Variants in SLC39A14 observed in about 807,000 individuals in gnomAD.
SLC39A14 encodes the protein metal cation symporter ZIP14.
In SLC39A14, 19 loss-of-function variants were observed where a neutral mutation model predicts 45.5. The observed-to-expected ratio is 0.42, with a 90% CI of 0.29 to 0.61. The LOEUF (loss-of-function observed/expected upper bound fraction) is 0.61. SLC39A14 is among the 20% of genes least tolerant of loss of function. The pLI is 0.22. For synonymous variants in SLC39A14, 264 were observed against 251.3 expected (o/e 1.05, Z -0.48); for missense variants, 447 against 616.5 (o/e 0.73, Z 2.91).
At chr8:22,408,576 G>C (rs1298725510) in intron 3 of SLC39A14, 80 bp downstream of exon 3, 2 of 1,333,776 alleles carry the variant, frequency 1.5e-6, no homozygotes, top group Non-Finnish European at 2.0e-6. Flanking sequence ...AGCTGCTGCT[G>C]CTCCTCACTG....
intron 1 of SLC39A14, among the ~76,000 whole-genome samples, chr8:22,386,228 A>G (rs1424295707): frequency 2.7e-5 from 4 of 149,674 alleles, no homozygotes; most frequent in African/African-American, 9.9e-5. Flanking sequence ...TACAGGCGTG[A>G]GCCACTGCGC....
At chr8:22,427,329 C>T (rs187277523), downstream of SLC39A14, among the ~76,000 whole-genome samples, 4 of 152,154 alleles carry the variant, frequency 2.6e-5, no homozygotes, top group East Asian at 3.9e-4. Context: ...TGTCTTCCTG[C>T]GTTTGGCTAA....
chr8:22,373,107 C>CA (rs1445122378), intron 1 of SLC39A14, among the ~76,000 whole-genome samples: 1 of 151,766 alleles, frequency 6.6e-6, no homozygotes, highest in African/African-American at 2.4e-5. Context: ...ACTAAAAATA[C>CA]AAAAAATTAG....
In SLC39A14 at chr8:22,398,732, G is replaced by T. The variant is rs893577444; in HGVS notation, c.-15-5964G>T. The stretch of plus-strand genomic sequence containing the variant: ...GTGCAGCATGCTGAACATCACAGAA[G>T]CGTCTGTGCAGGACAGAAGTGCCGC... On this transcript the variant is annotated intron_variant, in intron 1 of 8. Transcript: ENST00000381237. 4 of 985,352 alleles carry T rather than the reference G, an allele frequency of 4.1e-6. No homozygotes were observed. In the African/African-American group the frequency reaches 7.0e-5, roughly 17 times the overall value. The allele number at this position is 985,352 out of a possible 1,614,324, so 61.0% of individuals were successfully genotyped here.
At chr8:22,429,964 G>A (rs532914257) in intron 8 of SLC39A14, among the ~76,000 whole-genome samples, 5 of 152,288 alleles carry the variant, frequency 3.3e-5, no homozygotes, top group Admixed American at 6.5e-5. Flanking sequence ...CCAAAGGGCC[G>A]GCCAACGCAA....
chr8:22,419,002 C>G (rs933330907), intron 8 of SLC39A14, among the ~76,000 whole-genome samples: 1 of 150,680 alleles, frequency 6.6e-6, no homozygotes, highest in Non-Finnish European at 1.5e-5. Context: ...GCACTCGAGC[C>G]TGGGCAAGAG....
rs966132068 is a variant in SLC39A14, at chr8:22,367,984, G to A, written c.-16+576G>A. ...GGTTCAGGCTGCCCCCTCTTGGTGG[G>A]TGAGGGCAGTGGGACAAAGTCGCCA... On this transcript the variant is annotated intron_variant, in intron 1 of 8. Transcript: ENST00000381237. This position sits in a 1 kb window ranked among gnomAD's most constrained non-coding sequence, Gnocchi z 4.2. 6.6e-6 allele frequency among the ~76,000 whole-genome samples: 1 copy of A among 152,164 alleles called. No individual in the cohort carries two copies. The highest frequency in any genetic ancestry group is 1.9e-4 in the East Asian group (1 of 5,196).
chr8:22,374,709 TCTGTCTTGGGGTGCAGCCTGCCAGC>T (rs1458456456), intron 1 of SLC39A14, among the ~76,000 whole-genome samples: 1 of 150,802 alleles, frequency 6.6e-6, no homozygotes, highest in Non-Finnish European at 1.5e-5. Flanking sequence ...CCAGCAGCCC[TCTGTCTTGGGGTGCAGCCTGCCAGC>T]CTGCTCTTTT....
chr8:22,392,287 T>G (rs370813012), intron 1 of SLC39A14, among the ~76,000 whole-genome samples: 1 of 152,242 alleles, frequency 6.6e-6, no homozygotes, highest in Non-Finnish European at 1.5e-5. Flanking sequence ...TTAAGCTCTG[T>G]CTTGATCAGA....
At chr8:22,391,300 A>G (rs892037925) in intron 1 of SLC39A14, among the ~76,000 whole-genome samples, 7 of 152,158 alleles carry the variant, frequency 4.6e-5, no homozygotes, top group East Asian at 3.8e-4. Flanking sequence ...TGCATCCCCA[A>G]TACCTAGCAT....
intron 8 of SLC39A14, among the ~76,000 whole-genome samples, chr8:22,419,135 A>T (rs1836067896): frequency 6.6e-6 from 1 of 152,192 alleles, no homozygotes; most frequent in Non-Finnish European, 1.5e-5. Flanking sequence ...ACTTTGTTTT[A>T]CCTAGACAGT....
intron 1 of SLC39A14, among the ~76,000 whole-genome samples, chr8:22,383,473 G>A (rs554478560): frequency 1.3e-5 from 2 of 152,246 alleles, no homozygotes; most frequent in South Asian, 2.1e-4. Context: ...GGTGGGGTAT[G>A]GGGTGTTTAT....
chr8:22,430,996 T>A (rs1836458074), intron 8 of SLC39A14, among the ~76,000 whole-genome samples: 1 of 71,388 alleles, frequency 1.4e-5, no homozygotes, highest in Non-Finnish European at 3.1e-5. Context: ...TCCCTCTTTT[T>A]TTTTTTTTTT....
At chr8:22,394,388 C>T (rs1586684028) in intron 1 of SLC39A14, among the ~76,000 whole-genome samples, 2 of 147,186 alleles carry the variant, frequency 1.4e-5, no homozygotes. Context: ...GCAGTGATCT[C>T]GGCTCACTAC....
intron 1 of SLC39A14, among the ~76,000 whole-genome samples, chr8:22,369,606 G>A (rs1255064595): frequency 6.6e-6 from 1 of 152,226 alleles, no homozygotes; most frequent in Non-Finnish European, 1.5e-5. Flanking sequence ...CCTCCATACT[G>A]TGCACAGTTC....
intron 8 of SLC39A14, among the ~76,000 whole-genome samples, chr8:22,430,269 A>T (rs1252513173): frequency 6.6e-6 from 1 of 152,164 alleles, no homozygotes; most frequent in African/African-American, 2.4e-5. Context: ...GGTCTCACTA[A>T]GTTGCCCAGT....
Position 22,420,115 on chromosome 8 carries a change from G to C in SLC39A14, c.*417G>C. The C allele has an allele frequency of 1.0e-6, 1 of 988,332 alleles. No homozygotes were observed. Among genetic ancestry groups the C allele is most frequent in the Non-Finnish European group, 1.2e-6 (1 of 831,918 alleles). The allele number at this position is 988,332 out of a possible 1,614,324, so 61.2% of individuals were successfully genotyped here. ...TCAAGAGTTGAATCCATAGTGTGGG[G>C]CCCATGACTCTAGCTGGGCACCTTG... On this transcript the variant is annotated 3_prime_UTR_variant, in exon 9 of 9. Transcript: ENST00000381237.
intron 1 of SLC39A14, among the ~76,000 whole-genome samples, chr8:22,385,692 G>A (rs890305012): frequency 6.6e-6 from 1 of 152,142 alleles, no homozygotes; most frequent in African/African-American, 2.4e-5. Context: ...ACCAGGAAGA[G>A]GAGTTTAGAT....
intron 1 of SLC39A14, among the ~76,000 whole-genome samples, chr8:22,387,090 T>C (rs1833833413): frequency 6.6e-6 from 1 of 151,596 alleles, no homozygotes; most frequent in South Asian, 2.1e-4. Context: ...GGAGGATCGC[T>C]TGGGTCCGGG....
Sources: gnomAD v4.1 joint callset for allele counts (sites outside exome capture counted in the v4.1 genomes callset) on GRCh38, gnomAD v4.1.1 for gene constraint, Gnocchi (gnomAD v3.1) non-coding constraint, MANE v1.5 for transcripts, NCBI Gene and HGNC (gene_info 2026-07-23, HGNC 2026-07-21) for gene names.